Variants in LRRFIP2 observed in about 807,000 individuals in gnomAD.
The protein encoded by LRRFIP2 is LRR binding FLII interacting protein 2.
In LRRFIP2, 109 loss-of-function variants were observed where a neutral mutation model predicts 125.9. That is an observed-to-expected ratio of 0.87 (90% CI 0.74 to 1.01). LRRFIP2 has a LOEUF of 1.01. Ranked by LOEUF, LRRFIP2 falls within the 50% of genes least tolerant of loss-of-function variation. The pLI is 0.00. For missense variants in LRRFIP2, 850 were observed against 862.3 expected (o/e 0.99, Z 0.18); for synonymous variants, 291 against 293.1 (o/e 0.99, Z 0.07).
chr3:37,157,707 A>T (rs1281926761), intron 1 of LRRFIP2, among the ~76,000 whole-genome samples: 8 of 152,210 alleles, frequency 5.3e-5, no homozygotes, highest in Admixed American at 5.2e-4. Flanking sequence ...GGCAAAGTAC[A>T]AAATGAAAAA....
intron 8 of LRRFIP2, among the ~76,000 whole-genome samples, chr3:37,112,171 T>A (rs1364115031): frequency 6.6e-6 from 1 of 151,634 alleles, no homozygotes; most frequent in Admixed American, 6.6e-5. Context: ...ACCCCATCTC[T>A]ACAAAAATAC....
At chr3:37,065,612 T>C (rs1170205546) in intron 23 of LRRFIP2, 198 bp downstream of exon 23, 6 of 714,432 alleles carry the variant, frequency 8.4e-6, no homozygotes, top group Non-Finnish European at 1.5e-5. Flanking sequence ...CTTATTGCCT[T>C]ACAGTGACCC....
chr3:37,055,582 AC>A (rs939102078), intron 25 of LRRFIP2, among the ~76,000 whole-genome samples: 3 of 152,200 alleles, frequency 2.0e-5, no homozygotes, highest in African/African-American at 7.2e-5. Flanking sequence ...AAAAAAAATT[AC>A]AAAATACAAA....
chr3:37,164,861 G>A (rs2096437647), intron 1 of LRRFIP2, among the ~76,000 whole-genome samples: 1 of 152,098 alleles, frequency 6.6e-6, no homozygotes, highest in Non-Finnish European at 1.5e-5. Context: ...ATGTAGGTGG[G>A]TCCTGTGACT....
chr3:37,073,822 GC>G (rs3836485), intron 20 of LRRFIP2, among the ~76,000 whole-genome samples: 53,344 of 152,022 alleles, frequency 0.35, 10,538 homozygotes, highest in Non-Finnish European at 0.45. Flanking sequence ...TTGAGAAGCA[GC>G]CCCCAAAGCA....
Position 37,108,683 on chromosome 3 carries a change from G to A in LRRFIP2, c.611C>T (p.Ala204Val). ...NSGLLRSASL[A>V]SLYNGGLYNP... ...ATATAATCCACCATTGTACAATGAT[G>A]CCTAAGGAACAAAGGAAATATCACT... The change falls in exon 12 of 28, where the codon GCA becomes GTA. Residue 204 changes from alanine to valine, a missense_variant and splice_region_variant. By Grantham distance (64) the Ala-to-Val change is moderately conservative. Transcript: ENST00000336686. 6.2e-7 allele frequency: 1 copy of A among 1,607,798 alleles called. No homozygotes were observed. The highest frequency in any genetic ancestry group is 8.5e-7 in the Non-Finnish European group (1 of 1,174,662).
intron 2 of LRRFIP2, among the ~76,000 whole-genome samples, chr3:37,136,337 T>C (rs1464806319): frequency 1.3e-5 from 2 of 152,192 alleles, no homozygotes; most frequent in Non-Finnish European, 2.9e-5. Flanking sequence ...TTTGGGCTGA[T>C]GAAATGTTAT....
intron 17 of LRRFIP2, 68 bp downstream of exon 17, chr3:37,094,724 T>G: frequency 1.1e-6 from 1 of 949,040 alleles, no homozygotes; most frequent in East Asian, 2.4e-5. Context: ...CATTAAAGGT[T>G]AAAAGTTCCA....
At chr3:37,121,446 G>C in intron 6 of LRRFIP2, 46 bp downstream of exon 6, 2 of 1,560,472 alleles carry the variant, frequency 1.3e-6, no homozygotes, top group Non-Finnish European at 1.8e-6. Flanking sequence ...ATTGAAGAAA[G>C]CTCACACGTA....
intron 1 of LRRFIP2, 26 bp from the exon 2 acceptor site, chr3:37,149,064 T>G: frequency 7.1e-6 from 11 of 1,557,516 alleles, no homozygotes; most frequent in Middle Eastern, 3.4e-4. Flanking sequence ...ACATAATAAC[T>G]TAAGGTATTT....
intron 6 of LRRFIP2, 177 bp downstream of exon 6, chr3:37,121,315 C>T (rs2095027877): frequency 3.2e-6 from 2 of 625,050 alleles, no homozygotes; most frequent in Admixed American, 2.9e-5. Flanking sequence ...AGTTGATTTA[C>T]TTATGACAAT....
At chr3:37,139,255 G>A (rs565567242) in intron 2 of LRRFIP2, among the ~76,000 whole-genome samples, 70 of 152,004 alleles carry the variant, frequency 4.6e-4, no homozygotes, top group African/African-American at 1.7e-3. Context: ...ATGAAGGAGA[G>A]GCTCTGCACA....
intron 4 of LRRFIP2, among the ~76,000 whole-genome samples, chr3:37,127,292 T>C (rs2095307807): frequency 1.3e-5 from 2 of 152,216 alleles, no homozygotes; most frequent in East Asian, 1.9e-4. Flanking sequence ...GGGTCATCTT[T>C]CAATGAAGAC....
At chr3:37,117,251 A>T (rs1304367807) in intron 6 of LRRFIP2, among the ~76,000 whole-genome samples, 1 of 152,036 alleles carries the variant, frequency 6.6e-6, no homozygotes, top group Non-Finnish European at 1.5e-5. Context: ...TCCTCTTATC[A>T]TCCTCTCTAT....
At chr3:37,156,025 C>A (rs2096178891) in intron 1 of LRRFIP2, among the ~76,000 whole-genome samples, 1 of 152,142 alleles carries the variant, frequency 6.6e-6, no homozygotes, top group African/African-American at 2.4e-5. Flanking sequence ...CAGGCGTACA[C>A]CACTGCATTT....
chr3:37,112,334 C>CAAAAAAAAAAAAAA (rs1408342199), intron 8 of LRRFIP2, among the ~76,000 whole-genome samples: 4 of 72,912 alleles, frequency 5.5e-5, no homozygotes, highest in African/African-American at 9.9e-5. Flanking sequence ...GACTCCATCT[C>CAAAAAAAAAAAAAA]AAAAAAAGAA....
chr3:37,144,333 A>G (rs2095802143), intron 2 of LRRFIP2, among the ~76,000 whole-genome samples: 1 of 152,262 alleles, frequency 6.6e-6, no homozygotes, highest in African/African-American at 2.4e-5. Context: ...CTTTCTTCCT[A>G]ACATTTTAAA....
At chr3:37,076,560 G>T (rs1346412769) in intron 19 of LRRFIP2, among the ~76,000 whole-genome samples, 4 of 151,312 alleles carry the variant, frequency 2.6e-5, no homozygotes, top group Non-Finnish European at 4.4e-5. Flanking sequence ...TAAAACTTTT[G>T]AATGGCAGAG....
At chr3:37,121,812 G>T in intron 4 of LRRFIP2, 121 bp from the exon 5 acceptor site, 3 of 845,978 alleles carry the variant, frequency 3.5e-6, no homozygotes, top group South Asian at 1.5e-5. Context: ...AGGCAGGTTT[G>T]GATAACTTAT....
Sources: gnomAD v4.1 joint callset for allele counts (sites outside exome capture counted in the v4.1 genomes callset) on GRCh38, gnomAD v4.1.1 for gene constraint, MANE v1.5 for transcripts, NCBI Gene and HGNC (gene_info 2026-07-23, HGNC 2026-07-21) for gene names.